Variants in PTPRM observed in about 807,000 individuals in gnomAD.
PTPRM encodes protein tyrosine phosphatase receptor type M.
In PTPRM, 47 loss-of-function variants were observed where a neutral mutation model predicts 186.7. The observed-to-expected ratio is 0.25, with a 90% CI of 0.20 to 0.32. The LOEUF (loss-of-function observed/expected upper bound fraction) is 0.32, where lower values mean the gene tolerates loss of function less well. Ranked by LOEUF, PTPRM falls within the 10% of genes least tolerant of loss-of-function variation. The probability of loss-of-function intolerance (pLI) is 1.00; values close to 1 mark genes in which losing one functional copy is unlikely to be tolerated. For missense variants in PTPRM, 1,494 were observed against 1,865.0 expected, an observed-to-expected ratio of 0.80 and a Z score of 3.66; for synonymous variants, 668 against 674.9, an observed-to-expected ratio of 0.99 and a Z score of 0.16.
At chr18:8,054,298 A>AATATATATATATATATATAT (rs34903203) in intron 7 of PTPRM, among the ~76,000 whole-genome samples, 21 of 131,674 alleles carry the variant, frequency 1.6e-4, no homozygotes, top group African/African-American at 5.5e-4. Context: ...TAGTAGTAGT[A>AATATATATATATATATATAT]ATATATATAT....
At chr18:8,248,623 G>T (rs563596071) in intron 17 of PTPRM, among the ~76,000 whole-genome samples, 1 of 152,098 alleles carries the variant, frequency 6.6e-6, no homozygotes, top group Non-Finnish European at 1.5e-5. Context: ...TAAAAGTAGC[G>T]TTTTTCTAAT....
At chr18:8,326,124 T>G (rs939658815) in intron 22 of PTPRM, among the ~76,000 whole-genome samples, 1 of 152,166 alleles carries the variant, frequency 6.6e-6, no homozygotes, top group Non-Finnish European at 1.5e-5. Flanking sequence ...ATTCTGTAGG[T>G]TTTTCTGTTT....
intron 2 of PTPRM, among the ~76,000 whole-genome samples, chr18:7,821,513 A>T (rs2045193650): frequency 6.6e-6 from 1 of 152,114 alleles, no homozygotes; most frequent in Non-Finnish European, 1.5e-5. Flanking sequence ...CCCCTAGTGG[A>T]TGCCTGAAAC....
intron 19 of PTPRM, among the ~76,000 whole-genome samples, chr18:8,283,159 C>T (rs182339512): frequency 1.3e-5 from 2 of 152,086 alleles, no homozygotes; most frequent in African/African-American, 2.4e-5. Flanking sequence ...ACACTTAAGA[C>T]GAAATGGCAT....
chr18:8,115,264 G>A (rs971059836), intron 13 of PTPRM, among the ~76,000 whole-genome samples: 6 of 152,108 alleles, frequency 3.9e-5, no homozygotes, highest in East Asian at 1.9e-4. Context: ...TGGAGTCTAC[G>A]CGGGCTTTTT....
intron 1 of PTPRM, among the ~76,000 whole-genome samples, chr18:7,674,677 TAAG>T (rs1027774895): frequency 1.3e-5 from 2 of 152,194 alleles, no homozygotes; most frequent in Non-Finnish European, 2.9e-5. Context: ...TGTGGAGAAG[TAAG>T]TTTTCTAGTG....
chr18:7,594,485 C>T (rs564321584), intron 1 of PTPRM, among the ~76,000 whole-genome samples: 16 of 147,794 alleles, frequency 1.1e-4, no homozygotes, highest in Non-Finnish European at 2.1e-4. Context: ...GTCTCAAAAA[C>T]GAAAAAAAAA....
rs556479687 is a variant in PTPRM, at chr18:7,575,047, AT to A, written c.73+7157del. On this transcript the variant is annotated intron_variant, in intron 1 of 32. Transcript: ENST00000580170. ...ACTCCGTCTCAAAAAACAGAAAAAA[AT>A]AATGAAGATTTTTCTTGGACATTTA... is the stretch of plus-strand genomic sequence containing the variant. Among the ~76,000 whole-genome samples the A allele has an allele frequency of 1.0e-3, 158 of 152,342 alleles. 5 individuals carry two copies. In the South Asian group the frequency reaches 0.032, roughly 31 times the overall value.
At chr18:8,211,377 C>CTTTTTTTTTT (rs970926126) in intron 14 of PTPRM, among the ~76,000 whole-genome samples, 219 of 87,214 alleles carry the variant, frequency 2.5e-3, no homozygotes, top group East Asian at 3.7e-3. Flanking sequence ...GTCTCTTCTT[C>CTTTTTTTTTT]TTTTTTTTTT....
chr18:7,890,913 ATTAAATTCTATTTTTAAGTT>A (rs2049039247), intron 3 of PTPRM, among the ~76,000 whole-genome samples: 2 of 150,506 alleles, frequency 1.3e-5, no homozygotes, highest in South Asian at 4.2e-4. Context: ...AAAGCAATAC[ATTAAATTCTATTTTTAAGTT>A]TAAAAAATCT....
In PTPRM at chr18:8,272,665, A is replaced by G. The variant is rs143142189; in HGVS notation, c.2754+19251A>G. The stretch of plus-strand genomic sequence containing the variant: ...TTCCAAGTTGATTGCATTATATACA[A>G]TCAGAACATTCATTGCAATTTGTGA... On this transcript the variant is annotated intron_variant, in intron 19 of 32. Transcript: ENST00000580170. 7.1e-3 allele frequency among the ~76,000 whole-genome samples: 1,080 copies of G among 152,286 alleles called. 7 individuals are homozygous for G. Among genetic ancestry groups the G allele is most frequent in the African/African-American group, 0.024 (1,018 of 41,586 alleles).
chr18:8,149,842 G>T (rs1037023824), intron 14 of PTPRM, among the ~76,000 whole-genome samples: 2 of 152,148 alleles, frequency 1.3e-5, no homozygotes, highest in Non-Finnish European at 2.9e-5. Flanking sequence ...AGGCAGGCCT[G>T]GTGGTGACAA....
At chr18:7,916,723 T>C (rs538381217) in intron 4 of PTPRM, among the ~76,000 whole-genome samples, 2 of 152,338 alleles carry the variant, frequency 1.3e-5, no homozygotes, top group African/African-American at 2.4e-5. Flanking sequence ...ATGTATACAA[T>C]GTATAATGAT....
intron 14 of PTPRM, among the ~76,000 whole-genome samples, chr18:8,196,203 C>T (rs1601148589): frequency 6.6e-6 from 1 of 152,168 alleles, no homozygotes; most frequent in East Asian, 1.9e-4. Flanking sequence ...CTTAAGAACT[C>T]GGGGAGTGGG....
intron 1 of PTPRM, among the ~76,000 whole-genome samples, chr18:7,742,837 A>G (rs947686386): frequency 6.6e-6 from 1 of 152,214 alleles, no homozygotes; most frequent in African/African-American, 2.4e-5. Context: ...AGCTTGTGGT[A>G]AGCCTCAATT....
chr18:7,713,455 C>T (rs1473766646), intron 1 of PTPRM, among the ~76,000 whole-genome samples: 3 of 152,084 alleles, frequency 2.0e-5, no homozygotes, highest in Non-Finnish European at 4.4e-5. Context: ...GAAGAAACTG[C>T]ATCAACTAAC....
At chr18:7,641,566 A>G (rs1043078009) in intron 1 of PTPRM, among the ~76,000 whole-genome samples, 5 of 152,250 alleles carry the variant, frequency 3.3e-5, no homozygotes, top group African/African-American at 1.2e-4. Context: ...GAGCGGTGGC[A>G]TGAATCCCAA....
chr18:8,287,632 T>G (rs2094971421), intron 19 of PTPRM, among the ~76,000 whole-genome samples: 1 of 152,188 alleles, frequency 6.6e-6, no homozygotes, highest in African/African-American at 2.4e-5. Flanking sequence ...AAGGAGGTAT[T>G]CTTACTGCTC....
chr18:8,240,527 A>G (rs1305939278), intron 14 of PTPRM, among the ~76,000 whole-genome samples: 1 of 115,460 alleles, frequency 8.7e-6, no homozygotes, highest in African/African-American at 3.4e-5. Flanking sequence ...GGAAGGAAGG[A>G]AGGAAGGAAG....
Sources: allele counts gnomAD v4.1 joint callset (sites outside exome capture counted in the v4.1 genomes callset), GRCh38; gene constraint gnomAD v4.1.1; transcripts MANE v1.5; gene names NCBI Gene and HGNC (gene_info 2026-07-23, HGNC 2026-07-21).